Variants in AFF1 observed in about 807,000 individuals in gnomAD.
AFF1 encodes the protein AF4/FMR2 family member 1.
A neutral mutation model predicts 121.7 loss-of-function variants in AFF1; 48 were observed. That is an observed-to-expected ratio of 0.39 (90% CI 0.31 to 0.50). AFF1 has a LOEUF of 0.50. Ranked by LOEUF, AFF1 falls within the 20% of genes least tolerant of loss-of-function variation. AFF1 has a pLI of 0.76. For synonymous variants in AFF1, 613 were observed against 563.0 expected (o/e 1.09, Z -1.26); for missense variants, 1,523 against 1,511.7 (o/e 1.01, Z -0.12).
chr4:87,072,088 G>T (rs1021057422), intron 4 of AFF1, among the ~76,000 whole-genome samples: 1 of 152,164 alleles, frequency 6.6e-6, no homozygotes, highest in Non-Finnish European at 1.5e-5. Context: ...TCAGGGCTGG[G>T]CGTGGTGGCT....
At chr4:87,079,271 C>G (rs236995) in intron 4 of AFF1, among the ~76,000 whole-genome samples, 64,416 of 152,068 alleles carry the variant, frequency 0.42, 13,991 homozygotes, top group South Asian at 0.5. Context: ...TGGCATGTTT[C>G]TTCAGCCAGC....
rs1392044092 is a variant in AFF1, at chr4:87,082,786, C to T, written c.1060-1334C>T. ...AGGACGGTGTGAATGTTTGTATGCT[C>T]TATTTCCTTTTTCTTCATCCATGGA... On this transcript the variant is annotated intron_variant, in intron 4 of 20. Coordinates refer to ENST00000395146, the MANE Select transcript of AFF1 (RefSeq NM_001166693.3). Among the ~76,000 whole-genome samples the T allele has an allele frequency of 1.3e-5, 2 of 152,136 alleles. 1 individual carries two copies. Among genetic ancestry groups the T allele is most frequent in the Admixed American group, 1.3e-4 (2 of 15,276 alleles).
chr4:87,132,121 G>A (rs189617855), intron 18 of AFF1, 150 bp from the exon 19 acceptor site: 1 of 902,036 alleles, frequency 1.1e-6, no homozygotes, highest in African/African-American at 1.7e-5. Context: ...TTACTTTTGG[G>A]ATAGTATGAA....
intron 8 of AFF1, among the ~76,000 whole-genome samples, 170 bp downstream of exon 8, chr4:87,095,139 A>G (rs961400285): frequency 1.3e-5 from 2 of 152,078 alleles, no homozygotes; most frequent in Non-Finnish European, 1.5e-5. Flanking sequence ...TTTGTTTGAG[A>G]TGGGGTCTTA....
chr4:86,949,542 T>TTTTTTA (rs1560495615), intron 2 of AFF1: 4 of 163,624 alleles, frequency 2.4e-5, no homozygotes, highest in Non-Finnish European at 4.4e-5. Context: ...TTATTATTTT[T>TTTTTTA]TTTTTTTTTT....
intron 2 of AFF1, among the ~76,000 whole-genome samples, chr4:86,997,958 TGTG>T (rs1470790137): frequency 1.3e-5 from 2 of 151,472 alleles, no homozygotes; most frequent in Non-Finnish European, 2.9e-5. Context: ...ATTTGCCAGG[TGTG>T]GTGGCACATG....
chr4:87,058,747 T>A (rs1720416010), intron 4 of AFF1, among the ~76,000 whole-genome samples: 2 of 152,180 alleles, frequency 1.3e-5, no homozygotes, highest in African/African-American at 4.8e-5. Flanking sequence ...TCTTGTTCCC[T>A]CCACAGCAAA....
chr4:87,059,596 G>A (rs17012334), intron 4 of AFF1, among the ~76,000 whole-genome samples: 28,924 of 152,008 alleles, frequency 0.19, 2,990 homozygotes, highest in East Asian at 0.36. Context: ...AGATCAAGTC[G>A]TACTTTTTCA....
chr4:86,935,022 G>A lies in AFF1; in HGVS notation c.-255G>A, dbSNP rs559261173. 2 of 151,858 alleles carry A rather than the reference G, an allele frequency of 1.3e-5. No homozygotes were observed. The highest frequency in any genetic ancestry group is 2.1e-4 in the South Asian group (1 of 4,832). The allele number at this position is 151,858 out of a possible 1,614,324, so 9.4% of individuals were successfully genotyped here. A position where few individuals can be genotyped will look rare whatever the true frequency, so the allele number is the denominator to read the frequency against. ...GTGCTGAGCTTGCCAGCCAGCTAGCGAGCGACGGGCGCGCGCGGCCCCTGC... is the reference window on the plus strand; with the variant it reads ...GTGCTGAGCTTGCCAGCCAGCTAGCAAGCGACGGGCGCGCGCGGCCCCTGC... On this transcript the variant is annotated 5_prime_UTR_variant, in exon 1 of 21. Coordinates refer to ENST00000395146, the MANE Select transcript of AFF1 (RefSeq NM_001166693.3).
Position 87,136,501 on chromosome 4 carries a change from A to C in AFF1, c.*800A>C, listed in dbSNP as rs1259402824. ...GGAGGACTTGGCGCTGCCATTTCCT[A>C]CCCCTGCCATTTCCCACCCCTGCTT... On this transcript the variant is annotated 3_prime_UTR_variant, in exon 21 of 21. Coordinates refer to ENST00000395146, the MANE Select transcript of AFF1 (RefSeq NM_001166693.3). The C allele has an allele frequency of 8.6e-6, 2 of 232,430 alleles. No individual in the cohort carries two copies. Among genetic ancestry groups the C allele is most frequent in the Non-Finnish European group, 1.7e-5 (2 of 117,748 alleles). 14.4% of individuals were successfully genotyped at this position (232,430 alleles called of 1,614,324 possible).
At chr4:86,948,412 T>C in intron 1 of AFF1, 86 bp from the exon 2 acceptor site, 1 of 827,838 alleles carries the variant, frequency 1.2e-6, no homozygotes, top group Middle Eastern at 2.3e-4. Context: ...GAATTCTGTC[T>C]CCAATAAAGC....
intron 1 of AFF1, among the ~76,000 whole-genome samples, chr4:86,940,465 A>G (rs1200082694): frequency 2.0e-5 from 3 of 152,246 alleles, no homozygotes; most frequent in Middle Eastern, 3.4e-3. Context: ...GCAGTGGTGC[A>G]ATCTTGTCTC....
Position 87,125,077 on chromosome 4 carries a change from T to G in AFF1, c.2507T>G (p.Leu836Arg). 1.2e-6 allele frequency: 2 copies of G among 1,609,898 alleles called. No individual in the cohort carries two copies. The highest frequency in any genetic ancestry group is 2.2e-5 in the East Asian group (1 of 44,828). ...ERDCDNKKIR[L>R]EKEIKSQSSS... ...GACTGTGATAACAAGAAAATCAGAC[T>G]GGAGAAGGAAATCAAATCACAGTCA... is the stretch of plus-strand genomic sequence containing the variant. Residue 836 changes from leucine to arginine, a missense_variant, in exon 13 of 21, where the codon CTG becomes CGG. Leu to Arg is a moderately radical substitution (Grantham distance 102, BLOSUM62 -2). Around this residue, in one of 5 missense-constraint regions of AFF1, gnomAD observed 905 missense variants for 842.5 expected, o/e 1.07. Transcript: ENST00000395146.
chr4:87,107,012 C>CG (rs1725976464), intron 10 of AFF1, among the ~76,000 whole-genome samples: 1 of 152,100 alleles, frequency 6.6e-6, no homozygotes, highest in Non-Finnish European at 1.5e-5. Context: ...AGAGACCAAG[C>CG]GGGGGTACAA....
Position 87,139,364 on chromosome 4 carries a change from G to C in AFF1, c.*3663G>C, listed in dbSNP as rs1484302103. The C allele has an allele frequency of 1.7e-5, 4 of 232,760 alleles. No homozygotes were observed. 14.4% of individuals were successfully genotyped at this position (232,760 alleles called of 1,614,324 possible). ...TTTGTTTTTTGTTTTGTTTTGTTTT[G>C]TTTTGTTTTCTTGTACTTAAACCTG... On this transcript the variant is annotated 3_prime_UTR_variant, in exon 21 of 21. Coordinates refer to ENST00000395146, the MANE Select transcript of AFF1 (RefSeq NM_001166693.3).
At chr4:86,982,633 T>C (rs1457727177) in intron 2 of AFF1, among the ~76,000 whole-genome samples, 1 of 150,820 alleles carries the variant, frequency 6.6e-6, no homozygotes, top group Non-Finnish European at 1.5e-5. Flanking sequence ...TCACCTGAGG[T>C]CAAGAGTTTG....
intron 4 of AFF1, chr4:87,047,859 G>C: frequency 1.9e-6 from 1 of 536,126 alleles, no homozygotes; most frequent in Non-Finnish European, 3.4e-6. Context: ...AAAACATAGA[G>C]ATCATAAGAG....
chr4:86,990,694 T>C (rs1050087494), intron 2 of AFF1, among the ~76,000 whole-genome samples: 1 of 152,176 alleles, frequency 6.6e-6, no homozygotes, highest in South Asian at 2.1e-4. Flanking sequence ...AAATATTACA[T>C]GTAGGCAATG....
At chr4:86,960,888 G>A (rs546622762) in intron 2 of AFF1, among the ~76,000 whole-genome samples, 238 of 152,244 alleles carry the variant, frequency 1.6e-3, no homozygotes, top group African/African-American at 5.6e-3. Flanking sequence ...AAGGCACTGG[G>A]CACCCAAGAA....
Sources: allele counts gnomAD v4.1 joint callset (sites outside exome capture counted in the v4.1 genomes callset), GRCh38; gene constraint gnomAD v4.1.1; regional missense constraint gnomAD v4.1.1; transcripts MANE v1.5; gene names NCBI Gene and HGNC (gene_info 2026-07-23, HGNC 2026-07-21).